The following ADCY8 variants were observed in gnomAD, a reference collection of about 807,000 sequenced individuals.
ADCY8 encodes the protein adenylate cyclase 8.
Under a neutral mutation model 119.7 loss-of-function variants are expected in ADCY8, and 51 were observed. That is an observed-to-expected ratio of 0.43 (90% CI 0.34 to 0.54). The LOEUF (loss-of-function observed/expected upper bound fraction) is 0.54. Ranked by LOEUF, ADCY8 falls within the 20% of genes least tolerant of loss-of-function variation. The pLI, the probability that ADCY8 is intolerant of heterozygous loss-of-function variation, is 0.03. For missense variants in ADCY8, 1,383 were observed against 1,598.8 expected, an observed-to-expected ratio of 0.87 and a Z score of 2.30; for synonymous variants, 665 against 651.0, an observed-to-expected ratio of 1.02 and a Z score of -0.33.
chr8:130,965,513 C>T lies in ADCY8; in HGVS notation c.1111-13515G>A, dbSNP rs568809562. On this transcript the variant is annotated intron_variant, in intron 2 of 17. Coordinates refer to ENST00000286355, the MANE Select transcript of ADCY8 (RefSeq NM_001115.3). The stretch of plus-strand genomic sequence containing the variant: ...TGAAAATAAAATAAAATAAATAAAC[C>T]TGTGGTATGTGCCTACATCATCAGG... 2.9e-3 allele frequency among the ~76,000 whole-genome samples: 442 copies of T among 152,218 alleles called. 4 individuals carry two copies. Among genetic ancestry groups the T allele is most frequent in the African/African-American group, 0.01 (422 of 41,524 alleles).
chr8:130,943,497 G>GGGGGGGGGCCCCCCCC, intron 3 of ADCY8, 35 bp from the exon 4 acceptor site: 1 of 491,350 alleles, frequency 2.0e-6, no homozygotes, highest in Non-Finnish European at 4.2e-6. Flanking sequence ...GTGGGGGGAG[G>GGGGGGGGGCCCCCCCC]AAGTATATTA....
At chr8:130,860,936 A>T (rs1817908496) in intron 9 of ADCY8, among the ~76,000 whole-genome samples, 1 of 152,150 alleles carries the variant, frequency 6.6e-6, no homozygotes, top group Non-Finnish European at 1.5e-5. Context: ...TTGGGCATCC[A>T]ATTTTATCAG....
intron 8 of ADCY8, among the ~76,000 whole-genome samples, chr8:130,868,376 A>G (rs965018986): frequency 2.0e-5 from 3 of 152,188 alleles, no homozygotes; most frequent in African/African-American, 7.2e-5. Flanking sequence ...TTTATTAAAA[A>G]TAAATTCTCA....
At chr8:130,911,588 T>C (rs1452304627) in intron 5 of ADCY8, among the ~76,000 whole-genome samples, 2 of 97,620 alleles carry the variant, frequency 2.0e-5, no homozygotes, top group African/African-American at 5.6e-5. Flanking sequence ...CTAAATTAAA[T>C]TGTAATTAAT....
At chr8:130,798,328 A>G (rs1043636291) in intron 15 of ADCY8, among the ~76,000 whole-genome samples, 6 of 152,174 alleles carry the variant, frequency 3.9e-5, no homozygotes, top group African/African-American at 1.4e-4. Flanking sequence ...AAAGCCTTCA[A>G]CCGTAGAAGT....
chr8:130,796,748 C>A (rs1815591096), intron 15 of ADCY8, among the ~76,000 whole-genome samples: 1 of 148,876 alleles, frequency 6.7e-6, no homozygotes, highest in Non-Finnish European at 1.5e-5. Context: ...CCCCGCCTCA[C>A]CCTTTCTCTT....
intron 2 of ADCY8, among the ~76,000 whole-genome samples, chr8:130,961,421 ATCTTCATAAATC>A (rs71304402): frequency 6.7e-6 from 1 of 149,632 alleles, no homozygotes; most frequent in African/African-American, 2.5e-5. Flanking sequence ...TTCTTCATAA[ATCTTCATAAATC>A]TCTTCATAAA....
At chr8:130,865,152 G>T (rs924093171) in intron 9 of ADCY8, among the ~76,000 whole-genome samples, 6 of 152,078 alleles carry the variant, frequency 3.9e-5, no homozygotes, top group Non-Finnish European at 7.4e-5. Flanking sequence ...AGTATCCGTG[G>T]TTAGTATACA....
At chr8:130,822,303 T>C (rs1816534885) in intron 12 of ADCY8, among the ~76,000 whole-genome samples, 1 of 152,140 alleles carries the variant, frequency 6.6e-6, no homozygotes, top group Non-Finnish European at 1.5e-5. Context: ...ACAGGACATC[T>C]ATTTTGCTTA....
intron 4 of ADCY8, among the ~76,000 whole-genome samples, chr8:130,940,570 G>T (rs997081318): frequency 6.6e-6 from 1 of 152,036 alleles, no homozygotes; most frequent in South Asian, 2.1e-4. Context: ...ATTCTTATCT[G>T]TCAAGGTCTG....
chr8:130,960,066 T>C (rs1821551918), intron 2 of ADCY8, among the ~76,000 whole-genome samples: 1 of 152,140 alleles, frequency 6.6e-6, no homozygotes, highest in Non-Finnish European at 1.5e-5. Flanking sequence ...AAATGGTTAA[T>C]GTAATCATCC....
intron 14 of ADCY8, among the ~76,000 whole-genome samples, chr8:130,802,638 G>A (rs186070440): frequency 1.3e-5 from 2 of 152,322 alleles, no homozygotes; most frequent in Non-Finnish European, 2.9e-5. Flanking sequence ...AGTTGGATAT[G>A]TGCTCCAGAA....
At chr8:130,953,204 T>C (rs773246210) in intron 2 of ADCY8, among the ~76,000 whole-genome samples, 5 of 152,158 alleles carry the variant, frequency 3.3e-5, no homozygotes, top group East Asian at 3.9e-4. Context: ...GATATGATAA[T>C]AATAGGTCAT....
At position 130,952,063 on chromosome 8, in the gene ADCY8, G is replaced by A; in HGVS notation, c.1111-65C>T. On this transcript the variant is annotated intron_variant, in intron 2 of 17. Transcript: ENST00000286355. The stretch of plus-strand genomic sequence containing the variant: ...AGCGAGTCTCAGATGGGAGGGTGGA[G>A]GGTGGAGAAGTCATGGGGCTTTTGG... 6.9e-6 allele frequency: 11 copies of A among 1,587,582 alleles called. No individual in the cohort carries two copies. The Admixed American group carries it at 8.5e-5, about 12-fold the overall frequency.
intron 14 of ADCY8, among the ~76,000 whole-genome samples, chr8:130,801,193 G>A (rs1260487445): frequency 6.6e-6 from 1 of 152,060 alleles, no homozygotes; most frequent in Non-Finnish European, 1.5e-5. Flanking sequence ...ATTCATTCTT[G>A]GTAAGCTTCC....
intron 5 of ADCY8, among the ~76,000 whole-genome samples, chr8:130,916,420 C>T (rs1820130909): frequency 6.6e-6 from 1 of 152,176 alleles, no homozygotes; most frequent in Non-Finnish European, 1.5e-5. Context: ...ATTCTATTGC[C>T]TCTGCTGGAC....
rs550288233 is a variant in ADCY8 at position 130,826,356 on chromosome 8, C to G, written c.2676-4936G>C. Among the ~76,000 whole-genome samples the G allele has an allele frequency of 1.3e-4, 20 of 152,272 alleles. No individual in the cohort carries two copies. In the East Asian group the frequency reaches 3.7e-3, roughly 28 times the overall value. On this transcript the variant is annotated intron_variant, in intron 12 of 17. Transcript: ENST00000286355. ...TTACAATTCTGGTTATTTATGAGGA[C>G]TGTGTGGACAAATGAACATTTCCGA... is the stretch of plus-strand genomic sequence containing the variant.
chr8:130,899,653 G>T lies in ADCY8; in HGVS notation c.1911+4119C>A, dbSNP rs574305908. Among the ~76,000 whole-genome samples the T allele has an allele frequency of 2.4e-4, 36 of 151,944 alleles. No individual in the cohort carries two copies. The South Asian group carries it at 5.6e-3, about 24-fold the overall frequency. On this transcript the variant is annotated intron_variant, in intron 7 of 17. Coordinates refer to ENST00000286355, the MANE Select transcript of ADCY8 (RefSeq NM_001115.3). ...AGAAAAGAAACATAAGCTCCTGGAG[G>T]ACAGGATTCATTCATTACTGGATCC...
At chr8:130,963,824 C>T (rs1056298898) in intron 2 of ADCY8, among the ~76,000 whole-genome samples, 2 of 152,118 alleles carry the variant, frequency 1.3e-5, no homozygotes, top group Non-Finnish European at 2.9e-5. Flanking sequence ...AGCTGGGCTT[C>T]TGCATGGTTT....
Sources: allele counts gnomAD v4.1 joint callset (sites outside exome capture counted in the v4.1 genomes callset), GRCh38; gene constraint gnomAD v4.1.1; transcripts MANE v1.5; gene names NCBI Gene and HGNC (gene_info 2026-07-23, HGNC 2026-07-21).